The following CTNNA3 variants were observed in gnomAD, a reference collection of about 807,000 sequenced individuals.
CTNNA3 encodes the protein catenin alpha-3.
Under a neutral mutation model 95.7 loss-of-function variants are expected in CTNNA3, and 76 were observed. The observed-to-expected ratio is 0.79, with a 90% CI of 0.66 to 0.96. The LOEUF is 0.96. Ranked by LOEUF, CTNNA3 falls within the 40% of genes least tolerant of loss-of-function variation. The probability of loss-of-function intolerance (pLI) is 0.00; values close to 1 mark genes in which losing one functional copy is unlikely to be tolerated. For synonymous variants in CTNNA3, 431 were observed against 374.4 expected (o/e 1.15, Z -1.74); for missense variants, 1,191 against 1,089.8 (o/e 1.09, Z -1.31).
At chr10:67,554,384 G>C (rs937520444) in intron 3 of CTNNA3, among the ~76,000 whole-genome samples, 81 of 152,186 alleles carry the variant, frequency 5.3e-4, no homozygotes, top group African/African-American at 1.9e-3. Context: ...CAGTGTAAAA[G>C]TGTTCCTATT....
At chr10:67,223,034 G>A (rs1210893266) in intron 5 of CTNNA3, among the ~76,000 whole-genome samples, 2 of 152,190 alleles carry the variant, frequency 1.3e-5, no homozygotes, top group Non-Finnish European at 2.9e-5. Context: ...TCTGCCCAAG[G>A]CAATTACAGA....
At chr10:66,848,267 G>A (rs750466483) in intron 7 of CTNNA3, among the ~76,000 whole-genome samples, 12 of 152,126 alleles carry the variant, frequency 7.9e-5, no homozygotes, top group South Asian at 6.2e-4. Flanking sequence ...ATAATTTAAT[G>A]AGCCAAAAAC....
intron 13 of CTNNA3, among the ~76,000 whole-genome samples, chr10:66,135,670 A>G (rs945451437): frequency 3.3e-5 from 5 of 152,202 alleles, no homozygotes; most frequent in African/African-American, 1.2e-4. Flanking sequence ...ATCTCTAAGT[A>G]TCCTCAAGCA....
chr10:67,258,279 G>T (rs888502063), intron 5 of CTNNA3, among the ~76,000 whole-genome samples: 2 of 151,970 alleles, frequency 1.3e-5, no homozygotes, highest in Non-Finnish European at 2.9e-5. Flanking sequence ...GAGTAGCTGG[G>T]ACTACAGGTG....
At chr10:66,344,009 C>T (rs1002849022) in intron 12 of CTNNA3, among the ~76,000 whole-genome samples, 4 of 151,550 alleles carry the variant, frequency 2.6e-5, no homozygotes. Context: ...GGCAGATCAC[C>T]TGAGGTCAGG....
intron 11 of CTNNA3, among the ~76,000 whole-genome samples, chr10:66,387,916 TG>T (rs1182865847): frequency 6.6e-6 from 1 of 151,828 alleles, no homozygotes; most frequent in Non-Finnish European, 1.5e-5. Context: ...GGACACAGGG[TG>T]GGGAACATCA....
chr10:66,406,140 T>C (rs1172721783), intron 11 of CTNNA3, among the ~76,000 whole-genome samples: 1 of 152,178 alleles, frequency 6.6e-6, no homozygotes, highest in Admixed American at 6.6e-5. Flanking sequence ...TGAGAACTAA[T>C]GAAAATAATT....
In CTNNA3 at chr10:66,757,255, G is replaced by C. The variant is rs12254052; in HGVS notation, c.1281+9009C>G. On this transcript the variant is annotated intron_variant, in intron 9 of 17. Transcript: ENST00000433211. The stretch of plus-strand genomic sequence containing the variant: ...TCTGTCTCCACCTTAGGGCTGAGAG[G>C]GGGCTGAGTGATAGGGAGTGGCAAC... 9.0e-3 allele frequency among the ~76,000 whole-genome samples: 1,364 copies of C among 152,182 alleles called. 19 individuals carry two copies. The highest frequency in any genetic ancestry group is 0.031 in the African/African-American group (1,304 of 41,540).
chr10:66,562,335 G>A (rs1354519643), intron 10 of CTNNA3, among the ~76,000 whole-genome samples: 1 of 151,952 alleles, frequency 6.6e-6, no homozygotes, highest in African/African-American at 2.4e-5. Flanking sequence ...ATTTCAAAAA[G>A]AAGAAACTGA....
At chr10:66,833,715 G>C (rs1194833027) in intron 7 of CTNNA3, among the ~76,000 whole-genome samples, 1 of 152,100 alleles carries the variant, frequency 6.6e-6, no homozygotes, top group Non-Finnish European at 1.5e-5. Context: ...ATGAGTTTCA[G>C]TACTGTACTA....
intron 5 of CTNNA3, among the ~76,000 whole-genome samples, chr10:67,357,842 T>A (rs1419832633): frequency 2.0e-5 from 3 of 151,990 alleles, no homozygotes; most frequent in African/African-American, 7.2e-5. Flanking sequence ...TGCTAAAAAA[T>A]TAATTTTAAA....
At chr10:65,963,701 C>G (rs1200709849) in intron 17 of CTNNA3, among the ~76,000 whole-genome samples, 1 of 152,132 alleles carries the variant, frequency 6.6e-6, no homozygotes, top group Non-Finnish European at 1.5e-5. Flanking sequence ...CTATGCCTTG[C>G]ACAGTGAGGG....
chr10:67,731,864 G>C (rs1841276493), intron 1 of CTNNA3, among the ~76,000 whole-genome samples: 1 of 147,792 alleles, frequency 6.8e-6, no homozygotes, highest in South Asian at 2.1e-4. Flanking sequence ...TTTTGTTGTT[G>C]TTGTTGTTTT....
At chr10:66,310,351 C>G (rs900542588) in intron 12 of CTNNA3, among the ~76,000 whole-genome samples, 2 of 152,100 alleles carry the variant, frequency 1.3e-5, no homozygotes, top group African/African-American at 4.8e-5. Flanking sequence ...GTTGATTTAT[C>G]CGATATCATA....
chr10:65,931,219 C>A (rs192833487), intron 17 of CTNNA3, among the ~76,000 whole-genome samples: 25 of 152,248 alleles, frequency 1.6e-4, no homozygotes, highest in African/African-American at 4.8e-4. Flanking sequence ...ACAATTGCAA[C>A]AACAAAATCA....
chr10:67,344,173 C>T (rs1842327046), intron 5 of CTNNA3, among the ~76,000 whole-genome samples: 1 of 151,858 alleles, frequency 6.6e-6, no homozygotes, highest in African/African-American at 2.4e-5. Context: ...ATCCTTGCAT[C>T]CCAGGGATAA....
intron 17 of CTNNA3, among the ~76,000 whole-genome samples, chr10:65,957,140 T>TA (rs1404687151): frequency 6.6e-6 from 1 of 152,208 alleles, no homozygotes; most frequent in East Asian, 1.9e-4. Flanking sequence ...TACCATTATG[T>TA]AATGGCCTTC....
At chr10:67,428,312 A>G (rs1589280112) in intron 5 of CTNNA3, among the ~76,000 whole-genome samples, 1 of 152,156 alleles carries the variant, frequency 6.6e-6, no homozygotes, top group Non-Finnish European at 1.5e-5. Context: ...ACATTTTTCT[A>G]CTATAATAAT....
chr10:67,594,739 T>G (rs1025071647), intron 3 of CTNNA3, among the ~76,000 whole-genome samples: 1 of 152,128 alleles, frequency 6.6e-6, no homozygotes, highest in Non-Finnish European at 1.5e-5. Context: ...TTTAAAAAAA[T>G]TATTTCCATG....
Sources: allele counts gnomAD v4.1 joint callset (sites outside exome capture counted in the v4.1 genomes callset), GRCh38; gene constraint gnomAD v4.1.1; transcripts MANE v1.5; gene names NCBI Gene and HGNC (gene_info 2026-07-23, HGNC 2026-07-21).